The following MAP7 variants were observed in gnomAD, a reference collection of about 807,000 sequenced individuals.
MAP7 encodes microtubule associated protein 7.
In MAP7, 52 loss-of-function variants were observed where a neutral mutation model predicts 94.8. The ratio of observed to expected loss-of-function variants is 0.55; its 90% confidence interval spans 0.44 to 0.69. MAP7 has a LOEUF of 0.69. Among genes scored for constraint, MAP7 ranks in the 30% least tolerant of loss-of-function variants. The pLI, the probability that MAP7 is intolerant of heterozygous loss-of-function variation, is 0.00. For missense variants in MAP7, 940 were observed against 964.6 expected, an observed-to-expected ratio of 0.97 and a Z score of 0.34; for synonymous variants, 350 against 357.0, an observed-to-expected ratio of 0.98 and a Z score of 0.22.
intron 1 of MAP7, among the ~76,000 whole-genome samples, chr6:136,548,665 A>C (rs560118672): frequency 6.6e-6 from 1 of 152,340 alleles, no homozygotes; most frequent in Admixed American, 6.5e-5. Flanking sequence ...CTATTCCTTA[A>C]CATGCTCAGG....
At chr6:136,478,896 A>T (rs1196606326) in intron 1 of MAP7, among the ~76,000 whole-genome samples, 1 of 150,704 alleles carries the variant, frequency 6.6e-6, no homozygotes, top group Non-Finnish European at 1.5e-5. Flanking sequence ...TCCTACTCAA[A>T]TTTTTTCCAG....
intron 1 of MAP7, among the ~76,000 whole-genome samples, chr6:136,531,689 T>C (rs896961680): frequency 7.9e-6 from 1 of 126,302 alleles, no homozygotes; most frequent in Non-Finnish European, 1.5e-5. Flanking sequence ...ATGGTGGTCA[T>C]AGGGATAGAC....
intron 6 of MAP7, 24 bp from the exon 7 acceptor site, chr6:136,377,892 A>T: frequency 6.6e-7 from 1 of 1,526,348 alleles, no homozygotes; most frequent in Non-Finnish European, 9.1e-7. Context: ...CATAAGCAAG[A>T]TGTTAGAAGC....
chr6:136,525,941 G>T (rs1164258649), intron 1 of MAP7: 1 of 1,533,600 alleles, frequency 6.5e-7, no homozygotes, highest in African/African-American at 1.4e-5. Context: ...TCTCATGTCG[G>T]AGAGCTGTAG....
intron 2 of MAP7, among the ~76,000 whole-genome samples, chr6:136,416,805 CA>C (rs573300458): frequency 0.017 from 1,830 of 110,884 alleles, 22 homozygotes; most frequent in African/African-American, 0.048. Context: ...GACTACGTCT[CA>C]AAAAAAAAAA....
At chr6:136,449,512 G>C (rs1291639219) in intron 1 of MAP7, among the ~76,000 whole-genome samples, 1 of 152,216 alleles carries the variant, frequency 6.6e-6, no homozygotes, top group Non-Finnish European at 1.5e-5. Context: ...TGCAGAAACA[G>C]CCGATTGGTT....
intron 1 of MAP7, among the ~76,000 whole-genome samples, chr6:136,480,414 G>A (rs1006414907): frequency 1.3e-5 from 2 of 151,954 alleles, no homozygotes; most frequent in African/African-American, 2.4e-5. Context: ...TTGGGGAGAT[G>A]GGTGGATCAT....
At chr6:136,362,392 G>T in intron 11 of MAP7, 58 bp downstream of exon 11, 12 of 1,589,110 alleles carry the variant, frequency 7.6e-6, no homozygotes, top group African/African-American at 1.3e-5. Flanking sequence ...TCAGAGGGGT[G>T]ATGAGTTAAT....
At chr6:136,386,935 T>G (rs1779327514) in intron 5 of MAP7, among the ~76,000 whole-genome samples, 1 of 151,898 alleles carries the variant, frequency 6.6e-6, no homozygotes, top group African/African-American at 2.4e-5. Flanking sequence ...CTCAGCCTCC[T>G]AAGTAGGTGG....
At chr6:136,359,203 T>C (rs1791828809) in intron 15 of MAP7, among the ~76,000 whole-genome samples, 1 of 152,324 alleles carries the variant, frequency 6.6e-6, no homozygotes, top group South Asian at 2.1e-4. Flanking sequence ...GGCATATCAG[T>C]AACTCTAATG....
intron 5 of MAP7, 136 bp downstream of exon 5, chr6:136,388,257 T>G: frequency 1.4e-6 from 1 of 723,870 alleles, no homozygotes; most frequent in Non-Finnish European, 2.4e-6. Context: ...CCTCAAATAG[T>G]GAAAGATTCA....
At position 136,431,769 on chromosome 6, in the gene MAP7, C is replaced by T. The variant is rs532252920; in HGVS notation, c.68-9970G>A. On this transcript the variant is annotated intron_variant, in intron 1 of 17. Transcript: ENST00000354570. ...CTCACCCCAGGTGATCCTCGCACCTCGGACTTCCAGAGTGATGGGATTACA... is the reference window on the plus strand; with the variant it reads ...CTCACCCCAGGTGATCCTCGCACCTTGGACTTCCAGAGTGATGGGATTACA... 7.9e-5 allele frequency among the ~76,000 whole-genome samples: 12 copies of T among 152,284 alleles called. No homozygotes were observed. In the South Asian group the frequency reaches 1.5e-3, roughly 18 times the overall value.
chr6:136,400,141 G>T (rs1783648755), intron 3 of MAP7, among the ~76,000 whole-genome samples: 1 of 152,130 alleles, frequency 6.6e-6, no homozygotes, highest in Non-Finnish European at 1.5e-5. Flanking sequence ...AATAGGCTGG[G>T]TGTGGTGGCT....
At chr6:136,359,354 A>G (rs1791864339) in intron 15 of MAP7, among the ~76,000 whole-genome samples, 1 of 152,200 alleles carries the variant, frequency 6.6e-6, no homozygotes, top group South Asian at 2.1e-4. Context: ...TCTAAGATAA[A>G]TAACATTTAA....
intron 1 of MAP7, among the ~76,000 whole-genome samples, chr6:136,463,029 TATC>T (rs1278585139): frequency 6.6e-6 from 1 of 151,392 alleles, no homozygotes; most frequent in Admixed American, 6.6e-5. Context: ...CTATTCTAAA[TATC>T]ATAAGGCTCA....
At chr6:136,530,887 TACA>T (rs1828426977) in intron 1 of MAP7, among the ~76,000 whole-genome samples, 1 of 144,988 alleles carries the variant, frequency 6.9e-6, no homozygotes, top group Admixed American at 6.7e-5. Context: ...TGGTGCCTTT[TACA>T]ACATTTCTAT....
At chr6:136,348,470 C>A (rs527311551) in intron 16 of MAP7, among the ~76,000 whole-genome samples, 1 of 152,260 alleles carries the variant, frequency 6.6e-6, no homozygotes, top group African/African-American at 2.4e-5. Flanking sequence ...GAGTATGGAT[C>A]CGTGTGTCCA....
intron 11 of MAP7, 69 bp downstream of exon 11, chr6:136,362,381 C>G: frequency 1.3e-6 from 2 of 1,570,652 alleles, no homozygotes; most frequent in South Asian, 2.4e-5. Context: ...CCTCCTCCCT[C>G]TCAGAGGGGT....
In MAP7 at chr6:136,483,110, T is replaced by C. The variant is rs932329985; in HGVS notation, c.68-61311A>G. On this transcript the variant is annotated intron_variant, in intron 1 of 17. Transcript: ENST00000354570. ...TTGTGACCATGCTATTTTAAGTGAA[T>C]AAAAAGTGAAGTATCTTTCAAAAAA... Among the ~76,000 whole-genome samples the C allele has an allele frequency of 1.7e-4, 9 of 52,796 alleles. No individual in the cohort carries two copies. The South Asian group carries it at 3.3e-3, about 19-fold the overall frequency. The allele number at this position is 52,796 out of a possible 152,430, so 34.6% of individuals were successfully genotyped here. A position where few individuals can be genotyped will look rare whatever the true frequency, so the allele number is the denominator to read the frequency against.
Sources: allele counts gnomAD v4.1 joint callset (sites outside exome capture counted in the v4.1 genomes callset), GRCh38; gene constraint gnomAD v4.1.1; transcripts MANE v1.5; gene names NCBI Gene and HGNC (gene_info 2026-07-23, HGNC 2026-07-21).